Variants in ABCA1 observed in about 807,000 individuals in gnomAD.
The protein encoded by ABCA1 is ATP binding cassette subfamily A member 1.
In ABCA1, 133 loss-of-function variants were observed where a neutral mutation model predicts 262.5. That is an observed-to-expected ratio of 0.51 (90% CI 0.44 to 0.59). The LOEUF is 0.59. Among genes scored for constraint, ABCA1 ranks in the 20% least tolerant of loss-of-function variants. The pLI, the probability that ABCA1 is intolerant of heterozygous loss-of-function variation, is 0.00. For missense variants in ABCA1, 2,452 were observed against 2,777.5 expected, an observed-to-expected ratio of 0.88 and a Z score of 2.63; for synonymous variants, 1,022 against 1,043.5, an observed-to-expected ratio of 0.98 and a Z score of 0.40.
intron 8 of ABCA1, among the ~76,000 whole-genome samples, chr9:104,844,860 C>G (rs1834722933): frequency 6.6e-6 from 1 of 152,196 alleles, no homozygotes; most frequent in African/African-American, 2.4e-5. Flanking sequence ...TGTGCACTGG[C>G]TGGGAGTCAG....
intron 2 of ABCA1, among the ~76,000 whole-genome samples, chr9:104,892,088 A>C (rs536273613): frequency 6.6e-6 from 1 of 152,174 alleles, no homozygotes; most frequent in East Asian, 1.9e-4. Context: ...CTGTTACCAT[A>C]AAACTATCAA....
chr9:104,791,782 G>A (rs1374681027), intron 43 of ABCA1, among the ~76,000 whole-genome samples, 154 bp downstream of exon 43: 1 of 152,108 alleles, frequency 6.6e-6, no homozygotes. Flanking sequence ...GACATACAGG[G>A]TCCCTCTCTT....
intron 1 of ABCA1, among the ~76,000 whole-genome samples, chr9:104,916,374 A>C (rs1841843239): frequency 6.6e-6 from 1 of 152,206 alleles, no homozygotes; most frequent in Non-Finnish European, 1.5e-5. Flanking sequence ...GAGAAACAAA[A>C]AATTCCAGTT....
At chr9:104,814,937 G>A (rs147236645) in intron 25 of ABCA1, among the ~76,000 whole-genome samples, 3,504 of 152,224 alleles carry the variant, frequency 0.023, 152 homozygotes, top group African/African-American at 0.081. Context: ...GGAGGTTGCA[G>A]TGAGCCAAAA....
chr9:104,825,555 T>C (rs1832742294), intron 17 of ABCA1, 128 bp downstream of exon 17: 3 of 898,610 alleles, frequency 3.3e-6, no homozygotes, highest in Admixed American at 2.0e-5. Context: ...CCTTGGACTA[T>C]CTGTTTACTA....
chr9:104,798,432 C>A lies in ABCA1; in HGVS notation c.5110G>T (p.Val1704Phe), dbSNP rs1325763785. 6.2e-7 allele frequency: 1 copy of A among 1,614,178 alleles called. No individual in the cohort carries two copies. Among genetic ancestry groups the A allele is most frequent in the Non-Finnish European group, 8.5e-7 (1 of 1,180,040 alleles). ...KPVIYWLSNF[V>F]WDMCNYVVPA... ...GCCTGTGTCCTTACCATATCCCAGA[C>A]AAAATTAGAGAGCCAGTAGATGACA... is the stretch of plus-strand genomic sequence containing the variant. Residue 1704 changes from valine to phenylalanine, a missense_variant, in exon 37 of 50, where the codon GTC becomes TTC. Coordinates refer to ENST00000374736, the MANE Select transcript of ABCA1 (RefSeq NM_005502.4).
intron 1 of ABCA1, among the ~76,000 whole-genome samples, chr9:104,921,343 A>T (rs1842131190): frequency 6.6e-6 from 1 of 152,224 alleles, no homozygotes; most frequent in African/African-American, 2.4e-5. Context: ...AGAAGAATAG[A>T]TCCAATGCAT....
Position 104,788,024 on chromosome 9 carries a change from G to A in ABCA1, c.6100C>T (p.Leu2034Phe). Reference sequence around the variant, plus strand: ...GCATATTTTTCTCCATACTTCACGAGGCCCAGTTTCCGAATCGCCCACTCA... The same window carrying A: ...GCATATTTTTCTCCATACTTCACGAAGCCCAGTTTCCGAATCGCCCACTCA... ...VGEWAIRKLGLVKYGEKYAGN... is the reference protein window; with the variant it reads ...VGEWAIRKLGFVKYGEKYAGN... The change falls in exon 46 of 50, where the codon CTC becomes TTC. Residue 2034 changes from leucine to phenylalanine, a missense_variant. Transcript: ENST00000374736. 1 of 1,614,136 alleles carries A rather than the reference G, an allele frequency of 6.2e-7. No homozygotes were observed. Among genetic ancestry groups the A allele is most frequent in the Admixed American group, 1.7e-5 (1 of 60,024 alleles).
chr9:104,865,779 A>G (rs376838462), intron 5 of ABCA1, among the ~76,000 whole-genome samples: 1 of 152,224 alleles, frequency 6.6e-6, no homozygotes, highest in East Asian at 1.9e-4. Flanking sequence ...TAGGTGCTCA[A>G]TATATGGTAA....
At chr9:104,786,437 A>G in intron 47 of ABCA1, 47 bp from the exon 48 acceptor site, 1 of 1,501,192 alleles carries the variant, frequency 6.7e-7, no homozygotes, top group Middle Eastern at 1.7e-4. Flanking sequence ...GATTCTCTGT[A>G]ACCATGAGAA....
At position 104,801,055 on chromosome 9, in the gene ABCA1, A is replaced by C. The variant is rs191035288; in HGVS notation, c.4699-471T>G. 7.9e-5 allele frequency among the ~76,000 whole-genome samples: 12 copies of C among 151,990 alleles called. No individual in the cohort carries two copies. In the East Asian group the frequency reaches 2.3e-3, roughly 29 times the overall value. The stretch of plus-strand genomic sequence containing the variant: ...CTTAATTCTCACCTAAAAATGGGAA[A>C]CCTGAGACACAGAGAAATGAAGTGA... On this transcript the variant is annotated intron_variant, in intron 34 of 49. Coordinates refer to ENST00000374736, the MANE Select transcript of ABCA1 (RefSeq NM_005502.4).
chr9:104,912,821 G>GA (rs36047954), intron 1 of ABCA1, among the ~76,000 whole-genome samples: 57,631 of 151,628 alleles, frequency 0.38, 11,441 homozygotes, highest in East Asian at 0.65. Flanking sequence ...CTATGTCATA[G>GA]AAAAAAAATC....
chr9:104,832,568 A>C lies in ABCA1; in HGVS notation c.1509+6T>G, dbSNP rs748755384. 1 of 1,614,152 alleles carries C rather than the reference A, an allele frequency of 6.2e-7. No homozygotes were observed. Among genetic ancestry groups the C allele is most frequent in the Non-Finnish European group, 8.5e-7 (1 of 1,180,010 alleles). Reference sequence around the variant, plus strand: ...CTTTTCTAAATGATCCCAGCAACAGATTCACCTCCATGAAGCGAGATATGG... The same window carrying C: ...CTTTTCTAAATGATCCCAGCAACAGCTTCACCTCCATGAAGCGAGATATGG... On this transcript the variant is annotated splice_donor_region_variant and intron_variant, in intron 12 of 49. Transcript: ENST00000374736.
At chr9:104,820,102 C>T (rs1399483457) in intron 20 of ABCA1, 33 bp from the exon 21 acceptor site, 4 of 1,613,828 alleles carry the variant, frequency 2.5e-6, no homozygotes, top group Non-Finnish European at 3.4e-6. Flanking sequence ...GCTCTGGGCC[C>T]TACTGGATAC....
chr9:104,818,941 CACAGTG>C, intron 22 of ABCA1, 58 bp from the exon 23 acceptor site: 1 of 1,476,046 alleles, frequency 6.8e-7, no homozygotes, highest in Non-Finnish European at 9.3e-7. Flanking sequence ...TCTGATTTGT[CACAGTG>C]ACAGGGACTA....
chr9:104,887,888 G>A (rs994087446), intron 3 of ABCA1, among the ~76,000 whole-genome samples: 7 of 151,820 alleles, frequency 4.6e-5, no homozygotes, highest in Admixed American at 4.6e-4. Context: ...CACCACGCCT[G>A]GCTAATTTTT....
intron 9 of ABCA1, among the ~76,000 whole-genome samples, chr9:104,837,786 CTG>C (rs1833955208): frequency 6.6e-6 from 1 of 152,184 alleles, no homozygotes; most frequent in Admixed American, 6.5e-5. Context: ...TCAGATTAAA[CTG>C]AGATATCTAT....
chr9:104,923,443 A>G (rs1842256626), intron 1 of ABCA1, among the ~76,000 whole-genome samples: 1 of 152,228 alleles, frequency 6.6e-6, no homozygotes, highest in South Asian at 2.1e-4. Flanking sequence ...TGCAATCCCT[A>G]CGCAACCAAG....
chr9:104,920,479 A>G (rs896709809), intron 1 of ABCA1, among the ~76,000 whole-genome samples: 11 of 152,136 alleles, frequency 7.2e-5, no homozygotes, highest in African/African-American at 2.7e-4. Flanking sequence ...AACATGGGAT[A>G]AAGACAATTT....
Sources: allele counts gnomAD v4.1 joint callset (sites outside exome capture counted in the v4.1 genomes callset), GRCh38; gene constraint gnomAD v4.1.1; transcripts MANE v1.5; gene names NCBI Gene and HGNC (gene_info 2026-07-23, HGNC 2026-07-21).